The following KATNIP variants were observed in gnomAD, a reference collection of about 807,000 sequenced individuals.
The protein encoded by KATNIP is katanin interacting protein.
In KATNIP, 126 loss-of-function variants were observed where a neutral mutation model predicts 174.0. That is an observed-to-expected ratio of 0.72 (90% CI 0.63 to 0.84). The LOEUF is 0.84. KATNIP is among the 40% of genes least tolerant of loss of function. The pLI is 0.00. For synonymous variants in KATNIP, 810 were observed against 835.7 expected (o/e 0.97, Z 0.53); for missense variants, 1,958 against 2,109.7 (o/e 0.93, Z 1.41).
intron 6 of KATNIP, among the ~76,000 whole-genome samples, chr16:27,676,023 G>A (rs1017669622): frequency 6.6e-6 from 1 of 152,150 alleles, no homozygotes; most frequent in African/African-American, 2.4e-5. Context: ...TTCTGACAGT[G>A]AATCTCCTAA....
intron 8 of KATNIP, among the ~76,000 whole-genome samples, chr16:27,692,081 T>G (rs2078754593): frequency 6.6e-6 from 1 of 152,220 alleles, no homozygotes; most frequent in South Asian, 2.1e-4. Flanking sequence ...TGGTTCTTTT[T>G]AGACAAATTT....
At chr16:27,724,126 G>C (rs2080349478) in intron 14 of KATNIP, among the ~76,000 whole-genome samples, 1 of 152,180 alleles carries the variant, frequency 6.6e-6, no homozygotes, top group South Asian at 2.1e-4. Context: ...GCATGTCTCT[G>C]CTTGCCAGCC....
At chr16:27,556,941 G>A (rs971611556) in intron 1 of KATNIP, among the ~76,000 whole-genome samples, 9 of 151,780 alleles carry the variant, frequency 5.9e-5, no homozygotes, top group Non-Finnish European at 1.3e-4. Context: ...TTCAGAGTTC[G>A]TTCCTCCTGT....
intron 5 of KATNIP, among the ~76,000 whole-genome samples, chr16:27,633,555 G>A (rs2076553535): frequency 6.6e-6 from 1 of 151,654 alleles, no homozygotes; most frequent in South Asian, 2.1e-4. Flanking sequence ...GCCTCCCAAA[G>A]TGCTGAGATT....
chr16:27,778,427 C>A, intron 27 of KATNIP, 147 bp from the exon 28 acceptor site: 1 of 736,402 alleles, frequency 1.4e-6, no homozygotes, highest in East Asian at 2.6e-5. Context: ...AGGGAAGGGG[C>A]CAGCGTGCCA....
chr16:27,557,307 A>G (rs2089671149), intron 1 of KATNIP, among the ~76,000 whole-genome samples: 1 of 151,862 alleles, frequency 6.6e-6, no homozygotes, highest in South Asian at 2.1e-4. Context: ...ACGCCCAACT[A>G]ATTTTTGCAT....
chr16:27,619,296 C>G (rs2076130514), intron 3 of KATNIP, among the ~76,000 whole-genome samples: 1 of 152,330 alleles, frequency 6.6e-6, no homozygotes, highest in South Asian at 2.1e-4. Context: ...CCTCCCAAGT[C>G]TGCCAGAGAA....
intron 1 of KATNIP, among the ~76,000 whole-genome samples, chr16:27,557,008 T>G (rs2089654432): frequency 6.6e-6 from 1 of 152,200 alleles, no homozygotes; most frequent in Admixed American, 6.6e-5. Context: ...CCTTATGAGA[T>G]TCATTCCATG....
Position 27,740,904 on chromosome 16 carries a change from C to A in KATNIP, c.2607C>A (p.Asp869Glu). The A allele has an allele frequency of 6.3e-7, 1 of 1,595,104 alleles. No homozygotes were observed. The highest frequency in any genetic ancestry group is 8.5e-7 in the Non-Finnish European group (1 of 1,171,384). Residue 869 changes from aspartate to glutamate, a missense_variant, in exon 15 of 28, where the codon GAC becomes GAA. Physicochemically the swap from Asp to Glu is conservative, Grantham distance 45. This residue lies in a region of KATNIP where 1,557 missense variants were observed against 1,617.8 expected (regional missense o/e 0.96). Coordinates refer to ENST00000261588, the MANE Select transcript of KATNIP (RefSeq NM_015202.5). ...KDAGSSSHGD[D>E]QPASREDTWS... ...CTGGCAGCAGTAGTCATGGGGACGA[C>A]CAGCCAGCCAGCAGAGGTAAGCTCC... is the stretch of plus-strand genomic sequence containing the variant.
At chr16:27,716,180 A>C (rs2079929494) in intron 13 of KATNIP, among the ~76,000 whole-genome samples, 1 of 152,216 alleles carries the variant, frequency 6.6e-6, no homozygotes, top group Admixed American at 6.5e-5. Context: ...CATTATGCCA[A>C]GTGAAGGAAG....
rs1208404692 is a variant in KATNIP, at chr16:27,647,131, T to C, written c.409-1473T>C. 3.9e-5 allele frequency among the ~76,000 whole-genome samples: 6 copies of C among 151,986 alleles called. No homozygotes were observed. The East Asian group carries it at 1.2e-3, about 29-fold the overall frequency. ...CAGTAGAAGCAGGGGAAAGTGGACA[T>C]TGGAGGGGAGTCTGTAATCAGCCAC... On this transcript the variant is annotated intron_variant, in intron 5 of 27. Transcript: ENST00000261588.
At chr16:27,742,851 C>CTTTT (rs55844779) in intron 15 of KATNIP, among the ~76,000 whole-genome samples, 1 of 151,332 alleles carries the variant, frequency 6.6e-6, no homozygotes, top group African/African-American at 2.4e-5. Context: ...TTCTTTTTTT[C>CTTTT]TTTAACTTTT....
chr16:27,680,839 T>C (rs9924317), intron 7 of KATNIP, among the ~76,000 whole-genome samples: 33,387 of 152,150 alleles, frequency 0.22, 4,516 homozygotes, highest in African/African-American at 0.39. Flanking sequence ...GGATTACAGG[T>C]GCTTGCCACC....
chr16:27,673,497 G>A (rs2077994427), intron 6 of KATNIP, among the ~76,000 whole-genome samples: 1 of 152,158 alleles, frequency 6.6e-6, no homozygotes, highest in African/African-American at 2.4e-5. Flanking sequence ...GAGACCTGGT[G>A]TTATTTTTTA....
chr16:27,677,766 A>G lies in KATNIP; in HGVS notation c.578A>G (p.Gln193Arg), dbSNP rs1415346804. 4.3e-6 allele frequency: 7 copies of G among 1,613,286 alleles called. No individual in the cohort carries two copies. The highest frequency in any genetic ancestry group is 5.9e-6 in the Non-Finnish European group (7 of 1,179,214). ...RRSLELSVNL[Q>R]RKQKDCSSDE... ...AGCCTGGAACTTAGTGTAAATCTAC[A>G]AAGGAAACAAAAGGATTGTTCCAGC... Residue 193 changes from glutamine (Q) to arginine (R), a missense_variant, in exon 7 of 28, where the codon CAA (glutamine) becomes CGA (arginine). By Grantham distance (43) the Gln-to-Arg change is conservative. Transcript: ENST00000261588.
At chr16:27,708,347 C>T (rs1218968418) in intron 12 of KATNIP, 2 of 213,054 alleles carry the variant, frequency 9.4e-6, no homozygotes, top group Non-Finnish European at 1.9e-5. Context: ...CTACTCAATT[C>T]AGCAGATGTC....
In KATNIP at chr16:27,777,528, C is replaced by A; in HGVS notation, c.4552-82C>A. ...CGTCTTCCCGAGGAGAAAGCCTTGG[C>A]TCAGAGCAGTAACGCGTTCTGCCCA... is the stretch of plus-strand genomic sequence containing the variant. On this transcript the variant is annotated intron_variant, in intron 25 of 27. Transcript: ENST00000261588. This position sits in a 1 kb window ranked among gnomAD's most constrained non-coding sequence, Gnocchi z 4.4. The A allele has an allele frequency of 1.5e-6, 2 of 1,369,648 alleles. No individual in the cohort carries two copies. The highest frequency in any genetic ancestry group is 2.0e-6 in the Non-Finnish European group (2 of 1,010,562). The allele number at this position is 1,369,648 out of a possible 1,614,324, so 84.8% of individuals were successfully genotyped here.
chr16:27,585,627 G>T (rs1461172433), intron 2 of KATNIP, among the ~76,000 whole-genome samples: 1 of 152,226 alleles, frequency 6.6e-6, no homozygotes. Flanking sequence ...AACAACATGG[G>T]TGGAACTGGA....
intron 6 of KATNIP, among the ~76,000 whole-genome samples, chr16:27,666,016 T>G (rs2077669786): frequency 6.6e-6 from 1 of 152,196 alleles, no homozygotes; most frequent in African/African-American, 2.4e-5. Context: ...TGGCATTCCT[T>G]GATATTTGGT....
Sources: allele counts gnomAD v4.1 joint callset (sites outside exome capture counted in the v4.1 genomes callset), GRCh38; gene constraint gnomAD v4.1.1; regional missense constraint gnomAD v4.1.1; non-coding constraint Gnocchi (gnomAD v3.1); transcripts MANE v1.5; gene names NCBI Gene and HGNC (gene_info 2026-07-23, HGNC 2026-07-21).